Variants in CEP72 observed in about 807,000 individuals in gnomAD.
CEP72 encodes the protein centrosomal protein 72, also known as centrosomal protein of 72 kDa.
CEP72 carries 78 observed loss-of-function variants against 65.7 expected under a neutral mutation model. The observed-to-expected ratio is 1.19, with a 90% CI of 0.99 to 1.43. CEP72 has a LOEUF of 1.43. CEP72 is among the 40% of genes most tolerant of loss of function. The pLI, the probability that CEP72 is intolerant of heterozygous loss-of-function variation, is 0.00. For missense variants in CEP72, 914 were observed against 832.9 expected (o/e 1.10, Z -1.20); for synonymous variants, 358 against 351.7 (o/e 1.02, Z -0.20).
the CEP72 span, among the ~76,000 whole-genome samples, chr5:673,789 G>A: frequency 6.6e-6 from 1 of 152,198 alleles, no homozygotes; most frequent in Non-Finnish European, 1.5e-5. Flanking sequence ...CTCCAGCCCT[G>A]CCTCTGGGAA....
intron 1 of CEP72, among the ~76,000 whole-genome samples, chr5:616,880 G>T (rs554481666): frequency 1.4e-4 from 21 of 151,068 alleles, no homozygotes; most frequent in Non-Finnish European, 3.0e-4. Flanking sequence ...TGTGAAGAGA[G>T]TCTGTCCTGC....
chr5:624,609 A>G lies in CEP72; in HGVS notation c.512+30A>G, dbSNP rs774770113. 1 of 1,471,474 alleles carries G rather than the reference A, an allele frequency of 6.8e-7. No homozygotes were observed. The highest frequency in any genetic ancestry group is 1.4e-5 in the African/African-American group (1 of 71,972). The allele number at this position is 1,471,474 out of a possible 1,614,324, so 91.2% of individuals were successfully genotyped here. A position where few individuals can be genotyped will look rare whatever the true frequency, so the allele number is the denominator to read the frequency against. On this transcript the variant is annotated intron_variant, in intron 4 of 11. Coordinates refer to ENST00000264935, the MANE Select transcript of CEP72 (RefSeq NM_018140.4). The surrounding 1 kb of genome is among the most constrained non-coding windows in gnomAD (Gnocchi z 4.7). ...GAACGGAAGTGCTACGGACACCCAG[A>G]GTGTTTCTGACTGGCCTGCTGTCAG...
rs558152084 is a variant in CEP72 at position 643,018 on chromosome 5, G to A, written c.1540-1281G>A. On this transcript the variant is annotated intron_variant, in intron 9 of 11. Coordinates refer to ENST00000264935, the MANE Select transcript of CEP72 (RefSeq NM_018140.4). ...GGCTGCGCCCAGCTTGGGTGCAGTC[G>A]GTCCTCTGTTCCCTGCACCTGTCGT... 1.5e-5 allele frequency: 15 copies of A among 985,436 alleles called. No homozygotes were observed. The East Asian group carries it at 5.7e-4, about 37-fold the overall frequency. 61.0% of individuals were successfully genotyped at this position (985,436 alleles called of 1,614,324 possible). A position where few individuals can be genotyped will look rare whatever the true frequency, so the allele number is the denominator to read the frequency against.
intron 6 of CEP72, among the ~76,000 whole-genome samples, chr5:637,045 C>T (rs1057430632): frequency 6.6e-6 from 1 of 152,118 alleles, no homozygotes. Context: ...GTTTGCCTTC[C>T]CCCGGGTCTT....
Position 645,795 on chromosome 5 carries a change from T to A in CEP72, c.1666+1370T>A, listed in dbSNP as rs1738377200. Among the ~76,000 whole-genome samples the A allele has an allele frequency of 6.6e-6, 1 of 152,242 alleles. No individual in the cohort carries two copies. The highest frequency in any genetic ancestry group is 2.4e-5 in the African/African-American group (1 of 41,460). ...TCTTAAATGTATGCATAGCTCCCAT[T>A]TATTTTAGTGTTTAATGTTAGAGGT... On this transcript the variant is annotated intron_variant, in intron 10 of 11. Transcript: ENST00000264935. This position sits in a 1 kb window ranked among gnomAD's most constrained non-coding sequence, Gnocchi z 4.0.
Position 635,366 on chromosome 5 carries a change from TA to T in CEP72, c.692-4del, listed in dbSNP as rs762208502. 6.4e-7 allele frequency: 1 copy of T among 1,572,048 alleles called. No homozygotes were observed. The highest frequency in any genetic ancestry group is 1.7e-5 in the Admixed American group (1 of 57,480). ...ATGAAATATTTTATTTACAATATTT[TA>T]ATAGAATCCAGACATCTGTTGAGCC... On this transcript the variant is annotated splice_polypyrimidine_tract_variant and splice_region_variant and intron_variant, in intron 5 of 11. Transcript: ENST00000264935.
At chr5:637,164 G>A (rs1436518111) in intron 6 of CEP72, among the ~76,000 whole-genome samples, 2 of 152,308 alleles carry the variant, frequency 1.3e-5, no homozygotes, top group East Asian at 1.9e-4. Flanking sequence ...GTGCTTAGAC[G>A]TTGTTTGGAA....
chr5:655,179 G>C (rs995649100), downstream of CEP72, among the ~76,000 whole-genome samples: 6 of 152,028 alleles, frequency 3.9e-5, no homozygotes, highest in Non-Finnish European at 1.5e-5. This position sits in a 1 kb window ranked among gnomAD's most constrained non-coding sequence, Gnocchi z 5.0. Flanking sequence ...TGGCCAACAT[G>C]GCGAAACTCC....
At chr5:655,096 T>C (rs1337144240), downstream of CEP72, among the ~76,000 whole-genome samples, 1 of 152,102 alleles carries the variant, frequency 6.6e-6, no homozygotes, top group Non-Finnish European at 1.5e-5. This position sits in a 1 kb window ranked among gnomAD's most constrained non-coding sequence, Gnocchi z 5.0. Flanking sequence ...GCGGGGTGGC[T>C]CACACCGTAA....
intron 11 of CEP72, among the ~76,000 whole-genome samples, chr5:649,607 G>A (rs539136171): frequency 2.0e-4 from 22 of 110,682 alleles, no homozygotes; most frequent in African/African-American, 7.3e-4. Context: ...ACTGTGAGGC[G>A]TGGACTGTGA....
At chr5:613,393 C>CG (rs1028158644) in intron 1 of CEP72, among the ~76,000 whole-genome samples, 18 of 151,622 alleles carry the variant, frequency 1.2e-4, no homozygotes, top group African/African-American at 4.4e-4. Context: ...TTTTTTTAGA[C>CG]GGAGTCTCAC....
At chr5:656,537 G>C (rs544720087), downstream of CEP72, among the ~76,000 whole-genome samples, 1 of 152,218 alleles carries the variant, frequency 6.6e-6, no homozygotes, top group South Asian at 2.1e-4. Context: ...GTTATTTTGC[G>C]ATGCTGTTTT....
intron 6 of CEP72, among the ~76,000 whole-genome samples, chr5:636,316 T>A (rs187381470): frequency 1.6e-3 from 249 of 152,364 alleles, no homozygotes; most frequent in Non-Finnish European, 3.1e-3. Context: ...TCATGGTTGG[T>A]AAATAAGTGC....
chr5:653,726 T>C (rs1739257340), downstream of CEP72, among the ~76,000 whole-genome samples: 1 of 152,238 alleles, frequency 6.6e-6, no homozygotes, highest in African/African-American at 2.4e-5. Context: ...TCTTATGATA[T>C]TAACATATCA....
chr5:651,298 T>TGACTGTGAGGTGTGACTGTGAGGCGTG (rs1488888156), intron 11 of CEP72, among the ~76,000 whole-genome samples: 2 of 50,916 alleles, frequency 3.9e-5, no homozygotes, highest in African/African-American at 1.3e-4. Context: ...CTGTGAGGTG[T>TGACTGTGAGGTGTGACTGTGAGGCGTG]GACTGTGAGG....
chr5:647,704 G>T (rs1738512967), intron 10 of CEP72, 101 bp from the exon 11 acceptor site: 1 of 786,828 alleles, frequency 1.3e-6, no homozygotes, highest in Non-Finnish European at 2.1e-6. Flanking sequence ...TTCTTTTTCT[G>T]GTAACCAAGA....
chr5:627,531 T>A (rs1736833299), intron 4 of CEP72, among the ~76,000 whole-genome samples: 1 of 152,196 alleles, frequency 6.6e-6, no homozygotes. Context: ...ACTGGCTGTT[T>A]TCCTGCACAG....
downstream of CEP72, among the ~76,000 whole-genome samples, chr5:655,741 G>C (rs759812887): frequency 6.6e-6 from 1 of 152,160 alleles, no homozygotes; most frequent in South Asian, 2.1e-4. The surrounding 1 kb of genome is among the most constrained non-coding windows in gnomAD (Gnocchi z 5.0). Flanking sequence ...GGGATTTCCT[G>C]TTTGTAAAGT....
chr5:617,245 CT>C (rs1452194352), intron 1 of CEP72, among the ~76,000 whole-genome samples: 2 of 152,192 alleles, frequency 1.3e-5, no homozygotes, highest in Non-Finnish European at 2.9e-5. Flanking sequence ...GCTTCTGTTC[CT>C]TTCAGTCCCC....
Sources: gnomAD v4.1 joint callset for allele counts (sites outside exome capture counted in the v4.1 genomes callset) on GRCh38, gnomAD v4.1.1 for gene constraint, Gnocchi (gnomAD v3.1) non-coding constraint, MANE v1.5 for transcripts, NCBI Gene and HGNC (gene_info 2026-07-23, HGNC 2026-07-21) for gene names.